The following ALDH1L1 variants were observed in gnomAD, a reference collection of about 807,000 sequenced individuals.
ALDH1L1 encodes aldehyde dehydrogenase 1 family member L1, also known as cytosolic 10-formyltetrahydrofolate dehydrogenase.
A neutral mutation model predicts 101.1 loss-of-function variants in ALDH1L1; 68 were observed. The ratio of observed to expected loss-of-function variants is 0.67; its 90% CI spans 0.55 to 0.82. The LOEUF is 0.82. Ranked by LOEUF, ALDH1L1 falls within the 40% of genes least tolerant of loss-of-function variation. The pLI is 0.00. For missense variants in ALDH1L1, 1,087 were observed against 1,172.7 expected, an observed-to-expected ratio of 0.93 and a Z score of 1.07; for synonymous variants, 486 against 470.8, an observed-to-expected ratio of 1.03 and a Z score of -0.42.
At chr3:126,156,152 A>C (rs901258587) in intron 4 of ALDH1L1, 2 of 152,308 alleles carry the variant, frequency 1.3e-5, no homozygotes, top group African/African-American at 4.8e-5. Flanking sequence ...GGGACTTAGA[A>C]TGTGGCTGAG....
chr3:126,127,892 C>T (rs2046446527), intron 14 of ALDH1L1, among the ~76,000 whole-genome samples: 1 of 152,214 alleles, frequency 6.6e-6, no homozygotes, highest in Non-Finnish European at 1.5e-5. Flanking sequence ...AATGCTCACA[C>T]AGAGAATAAA....
chr3:126,109,048 G>T (rs1559913328), intron 20 of ALDH1L1, among the ~76,000 whole-genome samples: 1 of 152,218 alleles, frequency 6.6e-6, no homozygotes, highest in Admixed American at 6.5e-5. Context: ...AGGCAGAGGA[G>T]GCCCAGAGTG....
At chr3:126,110,882 T>A (rs1291555994) in intron 19 of ALDH1L1, among the ~76,000 whole-genome samples, 1 of 152,210 alleles carries the variant, frequency 6.6e-6, no homozygotes, top group African/African-American at 2.4e-5. Flanking sequence ...CTGAGCCTCC[T>A]GAACACTGGC....
chr3:126,117,973 G>C, intron 17 of ALDH1L1, 32 bp downstream of exon 17: 1 of 1,586,128 alleles, frequency 6.3e-7, no homozygotes, highest in Non-Finnish European at 8.6e-7. Context: ...GCCCACAGCA[G>C]CCCCTCCTCT....
At chr3:126,180,660 C>T, upstream of ALDH1L1, 1 of 1,336,154 alleles carries the variant, frequency 7.5e-7, no homozygotes, top group Non-Finnish European at 9.6e-7. Context: ...GGAGAGTCAG[C>T]CGAGTGGGGG....
chr3:126,146,108 T>C (rs755415561), intron 9 of ALDH1L1, among the ~76,000 whole-genome samples: 5 of 152,170 alleles, frequency 3.3e-5, no homozygotes, highest in Non-Finnish European at 2.9e-5. Flanking sequence ...GCATGGTCAA[T>C]TGCAAAACTG....
chr3:126,134,084 G>A (rs570283720), intron 12 of ALDH1L1, among the ~76,000 whole-genome samples: 64 of 152,302 alleles, frequency 4.2e-4, no homozygotes, highest in African/African-American at 1.5e-3. Context: ...CACCCACGGT[G>A]GTCCCGCCAC....
upstream of ALDH1L1, chr3:126,180,775 T>G: frequency 6.8e-7 from 1 of 1,464,690 alleles, no homozygotes. Context: ...CTGCGCTCTT[T>G]CCCGCTTAGG....
chr3:126,110,161 C>A, intron 19 of ALDH1L1, 52 bp from the exon 20 acceptor site: 1 of 1,601,540 alleles, frequency 6.2e-7, no homozygotes, highest in Non-Finnish European at 8.5e-7. Context: ...CAGTTTCTGA[C>A]AATGATCCTC....
At chr3:126,180,925 C>G (rs75917733), upstream of ALDH1L1, 1 of 1,608,760 alleles carries the variant, frequency 6.2e-7, no homozygotes, top group Non-Finnish European at 8.5e-7. Context: ...GACTCACTCA[C>G]TCGCTCACCC....
rs779095456 is a variant in ALDH1L1 at position 126,146,934 on chromosome 3, G to A, written c.985-8C>T. 5.0e-6 allele frequency: 8 copies of A among 1,612,798 alleles called. No individual in the cohort carries two copies. The South Asian group carries it at 6.6e-5, about 13-fold the overall frequency. ...GATCCGCTGCCAAACACTCTGCAAA[G>A]CAAGACCTGATGAGAGGCTGGCCCC... On this transcript the variant is annotated splice_polypyrimidine_tract_variant and splice_region_variant and intron_variant, in intron 8 of 22. Transcript: ENST00000393434.
Position 126,154,642 on chromosome 3 carries a change from A to G in ALDH1L1, c.632T>C (p.Ile211Thr), listed in dbSNP as rs1189740396. 1 of 1,613,674 alleles carries G rather than the reference A, an allele frequency of 6.2e-7. No homozygotes were observed. Among genetic ancestry groups the G allele is most frequent in the Non-Finnish European group, 8.5e-7 (1 of 1,179,980 alleles). The part of the protein sequence containing the change: ...EGIQKKETAK[I>T]NWDQPAEAIH... ...GGCCTCTGCCGGCTGGTCCCAGTTG[A>G]TCTGTGGGGAGCAAGGTGTGTGTGC... Residue 211 changes from isoleucine to threonine, a missense_variant and splice_region_variant, in exon 6 of 23, where the codon ATC becomes ACC. Coordinates refer to ENST00000393434, the MANE Select transcript of ALDH1L1 (RefSeq NM_012190.4).
chr3:126,136,822 T>C lies in ALDH1L1; in HGVS notation c.1286A>G (p.Glu429Gly), dbSNP rs9282691. 1.9e-6 allele frequency: 3 copies of C among 1,608,052 alleles called. No individual in the cohort carries two copies. The highest frequency in any genetic ancestry group is 1.3e-5 in the African/African-American group (1 of 74,632). Residue 429 changes from glutamate to glycine, a missense_variant, in exon 11 of 23, where the codon GAG becomes GGG. By Grantham distance (98) the Glu-to-Gly change is moderately conservative (BLOSUM62 -2). Around this residue, in one of 2 missense-constraint regions of ALDH1L1, gnomAD observed 645 missense variants for 637.0 expected, o/e 1.01. Coordinates refer to ENST00000393434, the MANE Select transcript of ALDH1L1 (RefSeq NM_012190.4). Reference sequence around the variant, plus strand: ...CTTGGCGCCCTCGGCATCCACGAACTCCCCCCCAATGAAGAGCTGGTGGGG... The same window carrying C: ...CTTGGCGCCCTCGGCATCCACGAACCCCCCCCCAATGAAGAGCTGGTGGGG... ...RMPHQLFIGG[E>G]FVDAEGAKTS...
chr3:126,146,320 C>A (rs1485025806), intron 9 of ALDH1L1, among the ~76,000 whole-genome samples: 1 of 152,204 alleles, frequency 6.6e-6, no homozygotes, highest in African/African-American at 2.4e-5. Context: ...GAACCCACCA[C>A]CACCACAGGA....
chr3:126,105,453 GT>G (rs1945831368), intron 22 of ALDH1L1: 23 of 476,252 alleles, frequency 4.8e-5, no homozygotes, highest in South Asian at 4.6e-4. Context: ...GGTAGCACAG[GT>G]GCCACCACAC....
intron 1 of ALDH1L1, among the ~76,000 whole-genome samples, chr3:126,171,400 A>T (rs9875737): frequency 0.11 from 16,477 of 152,188 alleles, 986 homozygotes; most frequent in Non-Finnish European, 0.13. Flanking sequence ...CAACAAAGAG[A>T]CACAGAAGCA....
rs749100848 is a variant in ALDH1L1, at chr3:126,160,826, G to A, written c.127+27C>T. 5 of 1,610,216 alleles carry A rather than the reference G, an allele frequency of 3.1e-6. No homozygotes were observed. The South Asian group carries it at 5.5e-5, about 18-fold the overall frequency. The stretch of plus-strand genomic sequence containing the variant: ...TGGATGGGCGGGCCGCCCTCCATCA[G>A]CTTCCCTGCTCCATTGGCTCACTCA... On this transcript the variant is annotated intron_variant, in intron 2 of 22. Coordinates refer to ENST00000393434, the MANE Select transcript of ALDH1L1 (RefSeq NM_012190.4).
intron 14 of ALDH1L1, chr3:126,129,969 T>G: frequency 3.1e-6 from 1 of 326,980 alleles, no homozygotes. Flanking sequence ...CATACCCATT[T>G]TGGACATTTT....
chr3:126,180,575 G>C lies in ALDH1L1; in HGVS notation c.-123C>G. 8.7e-7 allele frequency: 1 copy of C among 1,145,964 alleles called. No individual in the cohort carries two copies. The highest frequency in any genetic ancestry group is 1.1e-6 in the Non-Finnish European group (1 of 924,270). The allele number at this position is 1,145,964 out of a possible 1,614,324, so 71.0% of individuals were successfully genotyped here. A position where few individuals can be genotyped will look rare whatever the true frequency, so the allele number is the denominator to read the frequency against. The stretch of plus-strand genomic sequence containing the variant: ...TGCAGACCCGTCCTGGGAGCCAGGA[G>C]GTGGGACCTGTCCCCGCCAGTCCGC... On this transcript the variant is annotated 5_prime_UTR_variant, in exon 1 of 23. Coordinates refer to ENST00000393434, the MANE Select transcript of ALDH1L1 (RefSeq NM_012190.4).
Sources: allele counts gnomAD v4.1 joint callset (sites outside exome capture counted in the v4.1 genomes callset), GRCh38; gene constraint gnomAD v4.1.1; regional missense constraint gnomAD v4.1.1; transcripts MANE v1.5; gene names NCBI Gene and HGNC (gene_info 2026-07-23, HGNC 2026-07-21).